RYR3: variants seen among roughly 807,000 people sequenced by gnomAD.
RYR3 encodes brain ryanodine receptor-calcium release channel.
A neutral mutation model predicts 584.3 loss-of-function variants in RYR3; 207 were observed. The observed-to-expected ratio is 0.35, with a 90% CI of 0.32 to 0.40. RYR3 has a LOEUF of 0.40. RYR3 is among the 10% of genes least tolerant of loss of function. RYR3 has a pLI of 1.00. For synonymous variants in RYR3, 2,416 were observed against 2,248.5 expected, an observed-to-expected ratio of 1.07 and a Z score of -2.11; for missense variants, 5,616 against 6,089.2, an observed-to-expected ratio of 0.92 and a Z score of 2.59.
At position 33,739,114 on chromosome 15, in the gene RYR3, T is replaced by G. The variant is rs541270631; in HGVS notation, c.7656+524T>G. Among the ~76,000 whole-genome samples, 27 of 152,314 alleles carry G rather than the reference T, an allele frequency of 1.8e-4. No individual in the cohort carries two copies. The South Asian group carries it at 5.6e-3, about 32-fold the overall frequency. On this transcript the variant is annotated intron_variant, in intron 50 of 103. Transcript: ENST00000634891. ...AATCCCAGGCCTTACTTGAACGGTG[T>G]GATTGAAGTAGAGCTCTGACTCTTA...
Position 33,705,333 on chromosome 15 carries a change from A to G in RYR3, c.6484-1586A>G, listed in dbSNP as rs192662457. On this transcript the variant is annotated intron_variant, in intron 42 of 103. Transcript: ENST00000634891. ...TCTTGCTGAGTTTGGCCTTATTTTT[A>G]TTATACTTGCAAAATAGAATATTTG... Among the ~76,000 whole-genome samples the G allele has an allele frequency of 1.7e-3, 264 of 152,280 alleles. 1 individual carries two copies. Among genetic ancestry groups the G allele is most frequent in the Non-Finnish European group, 2.8e-3 (189 of 68,020 alleles).
intron 3 of RYR3, among the ~76,000 whole-genome samples, chr15:33,511,511 T>C (rs767568749): frequency 3.9e-5 from 6 of 152,066 alleles, no homozygotes; most frequent in Admixed American, 3.3e-4. Flanking sequence ...ACATGTACTT[T>C]GCATGGACAA....
At chr15:33,502,327 A>G (rs1291441029) in intron 2 of RYR3, among the ~76,000 whole-genome samples, 2 of 152,218 alleles carry the variant, frequency 1.3e-5, no homozygotes, top group Non-Finnish European at 1.5e-5. Context: ...TGCTGAAGTT[A>G]GAGAGGTTGT....
chr15:33,591,029 A>G lies in RYR3; in HGVS notation c.1788+4913A>G, dbSNP rs1399259911. Among the ~76,000 whole-genome samples, 3 of 152,194 alleles carry G rather than the reference A, an allele frequency of 2.0e-5. No individual in the cohort carries two copies. The East Asian group carries it at 5.8e-4, about 29-fold the overall frequency. On this transcript the variant is annotated intron_variant, in intron 16 of 103. Transcript: ENST00000634891. ...ACACAGTCTTTGGAGTGAAAAAGAC[A>G]GGAGTGTGTTGCAGTGCCCACTCCA...
At chr15:33,491,457 C>G (rs988274425) in intron 2 of RYR3, among the ~76,000 whole-genome samples, 3 of 152,182 alleles carry the variant, frequency 2.0e-5, no homozygotes, top group Admixed American at 1.3e-4. Flanking sequence ...GTCTGACAGA[C>G]CTTGCTTAGG....
At chr15:33,387,012 C>T (rs2141246074) in intron 1 of RYR3, among the ~76,000 whole-genome samples, 1 of 152,206 alleles carries the variant, frequency 6.6e-6, no homozygotes, top group African/African-American at 2.4e-5. Context: ...CGCCCACCAC[C>T]ACGCCCGGCT....
intron 81 of RYR3, among the ~76,000 whole-genome samples, chr15:33,824,899 G>A (rs927021851): frequency 6.6e-6 from 1 of 152,170 alleles, no homozygotes; most frequent in Non-Finnish European, 1.5e-5. Context: ...TCATATAGTG[G>A]TCTCATCAGC....
chr15:33,606,097 GAACA>G (rs1378642130), intron 18 of RYR3, among the ~76,000 whole-genome samples: 2 of 152,154 alleles, frequency 1.3e-5, no homozygotes, highest in Admixed American at 6.5e-5. Context: ...GGAAAGTCAA[GAACA>G]AACAGCGTAG....
At chr15:33,693,550 G>C (rs543750116) in intron 38 of RYR3, among the ~76,000 whole-genome samples, 1 of 152,384 alleles carries the variant, frequency 6.6e-6, no homozygotes, top group African/African-American at 2.4e-5. Flanking sequence ...TCCCTAAGAG[G>C]TCTGGAAGTT....
At chr15:33,424,165 A>G (rs1596072127) in intron 1 of RYR3, among the ~76,000 whole-genome samples, 1 of 152,096 alleles carries the variant, frequency 6.6e-6, no homozygotes, top group Non-Finnish European at 1.5e-5. Flanking sequence ...CAGAATGAGA[A>G]CCTGGTCTGA....
At position 33,788,212 on chromosome 15, in the gene RYR3, A is replaced by T. The variant is rs767614219; in HGVS notation, c.9590-6A>T. ...GAAATGACGGGGAGGCTCTTTGTAA[A>T]CGCAGTGTATGCACAGCCCATCATC... On this transcript the variant is annotated splice_region_variant and splice_polypyrimidine_tract_variant and intron_variant, in intron 66 of 103. Transcript: ENST00000634891. 1.9e-6 allele frequency: 3 copies of T among 1,613,640 alleles called. No homozygotes were observed. The highest frequency in any genetic ancestry group is 4.5e-5 in the East Asian group (2 of 44,870).
rs755331885 is a variant in RYR3, at chr15:33,649,103, G to A, written c.4010G>A (p.Gly1337Glu). The A allele has an allele frequency of 1.4e-5, 23 of 1,613,634 alleles. No individual in the cohort carries two copies. In the South Asian group the frequency reaches 2.5e-4, roughly 18 times the overall value. Residue 1337 changes from glycine to glutamate, a missense_variant, in exon 31 of 104, where the codon GGA (glycine) becomes GAA (glutamate). Coordinates refer to ENST00000634891, the MANE Select transcript of RYR3 (RefSeq NM_001036.6). ...TACTACGCCATCCGCATCTTTGCTG[G>A]ACAGGATCCATCCTGTGTCTGGGTC... ...QCYYAIRIFA[G>E]QDPSCVWVGW... is the part of the protein sequence containing the mutation.
chr15:33,794,044 A>AAAT (rs2075348799), intron 67 of RYR3, among the ~76,000 whole-genome samples: 2 of 23,096 alleles, frequency 8.7e-5, no homozygotes, highest in African/African-American at 1.4e-4. Flanking sequence ...ACATAAATAC[A>AAAT]TATATATAAA....
rs1210611009 is a variant in RYR3, at chr15:33,570,183, T to A, written c.1268+3384T>A. 3.3e-5 allele frequency among the ~76,000 whole-genome samples: 5 copies of A among 152,308 alleles called. No individual in the cohort carries two copies. The East Asian group carries it at 9.6e-4, about 29-fold the overall frequency. On this transcript the variant is annotated intron_variant, in intron 12 of 103. Transcript: ENST00000634891. ...TCATCATGATTTTCTCCTCTGTGTT[T>A]TTCTAAAAGTTTCAAAATTTTAGCG...
At chr15:33,706,480 G>A (rs974719704) in intron 42 of RYR3, among the ~76,000 whole-genome samples, 5 of 152,090 alleles carry the variant, frequency 3.3e-5, no homozygotes, top group Admixed American at 2.0e-4. Flanking sequence ...TGAATGGAAC[G>A]ATACGGTATT....
At chr15:33,761,568 C>G (rs771317503) in intron 60 of RYR3, among the ~76,000 whole-genome samples, 11 of 152,050 alleles carry the variant, frequency 7.2e-5, no homozygotes, top group Non-Finnish European at 1.3e-4. Context: ...AAGTCGAATC[C>G]CTGAATAGAC....
chr15:33,710,220 C>T (rs768614527), intron 43 of RYR3, among the ~76,000 whole-genome samples: 1 of 152,128 alleles, frequency 6.6e-6, no homozygotes, highest in Non-Finnish European at 1.5e-5. Flanking sequence ...ATCTACTAAA[C>T]TTCTGGTGAA....
At chr15:33,514,392 T>A (rs2053314238) in intron 3 of RYR3, among the ~76,000 whole-genome samples, 1 of 152,128 alleles carries the variant, frequency 6.6e-6, no homozygotes, top group African/African-American at 2.4e-5. Flanking sequence ...GAAGAATGAA[T>A]TGAGAGCTGA....
chr15:33,606,236 C>A (rs968784586), intron 18 of RYR3, among the ~76,000 whole-genome samples: 3 of 152,116 alleles, frequency 2.0e-5, no homozygotes, highest in African/African-American at 7.2e-5. Context: ...CTATAAGATT[C>A]TTATGAAATT....
Sources: gnomAD v4.1 joint callset for allele counts (sites outside exome capture counted in the v4.1 genomes callset) on GRCh38, gnomAD v4.1.1 for gene constraint, MANE v1.5 for transcripts, NCBI Gene and HGNC (gene_info 2026-07-23, HGNC 2026-07-21) for gene names.